AGBL1: variants seen among roughly 807,000 people sequenced by gnomAD.
AGBL1 encodes the protein AGBL carboxypeptidase 1, also known as cytosolic carboxypeptidase 4.
In AGBL1, 130 loss-of-function variants were observed where a neutral mutation model predicts 118.9. That is an observed-to-expected ratio of 1.09 (90% CI 0.95 to 1.26). The LOEUF (loss-of-function observed/expected upper bound fraction) is 1.26. Among genes scored for constraint, AGBL1 ranks in the 50% most tolerant of loss-of-function variants. The pLI is 0.00. For missense variants in AGBL1, 1,584 were observed against 1,298.1 expected (o/e 1.22, Z -3.38); for synonymous variants, 555 against 478.9 (o/e 1.16, Z -2.08).
At chr15:86,931,417 C>T (rs2080601519) in intron 23 of AGBL1, among the ~76,000 whole-genome samples, 1 of 152,158 alleles carries the variant, frequency 6.6e-6, no homozygotes, top group Non-Finnish European at 1.5e-5. Context: ...ACCCACCTTT[C>T]TCCTGCTGCA....
At chr15:87,024,055 A>C (rs149342988) in intron 24 of AGBL1, among the ~76,000 whole-genome samples, 4,367 of 152,152 alleles carry the variant, frequency 0.029, 86 homozygotes, top group Middle Eastern at 0.058. Flanking sequence ...CAGACAATCT[A>C]AGTTCACACC....
chr15:86,598,154 G>T (rs74026965), intron 21 of AGBL1, among the ~76,000 whole-genome samples: 1 of 152,084 alleles, frequency 6.6e-6, no homozygotes, highest in Non-Finnish European at 1.5e-5. Context: ...GATATTCACT[G>T]CTAGAGGATT....
intron 18 of AGBL1, among the ~76,000 whole-genome samples, chr15:86,423,019 C>A (rs943409487): frequency 6.6e-6 from 1 of 152,208 alleles, no homozygotes; most frequent in Admixed American, 6.5e-5. Context: ...CAAAGAGGAG[C>A]TGGTATCATT....
At chr15:86,542,676 G>A (rs1015687244) in intron 19 of AGBL1, among the ~76,000 whole-genome samples, 1 of 151,898 alleles carries the variant, frequency 6.6e-6, no homozygotes, top group East Asian at 1.9e-4. Flanking sequence ...GCGAGATGGG[G>A]TCTTTGATTT....
chr15:86,742,928 C>T lies in AGBL1; in HGVS notation c.3158+68492C>T, dbSNP rs528512224. 6.6e-5 allele frequency among the ~76,000 whole-genome samples: 10 copies of T among 152,200 alleles called. No homozygotes were observed. In the South Asian group the frequency reaches 1.7e-3, roughly 25 times the overall value. On this transcript the variant is annotated intron_variant, in intron 22 of 22. Coordinates refer to ENST00000614907, the MANE Select transcript of AGBL1 (RefSeq NM_001386094.1). ...AACTGAAAATCAACATACTTCAATGCTTGTTATATGGATAAATTCTGTGGA... is the reference window on the plus strand; with the variant it reads ...AACTGAAAATCAACATACTTCAATGTTTGTTATATGGATAAATTCTGTGGA...
intron 17 of AGBL1, among the ~76,000 whole-genome samples, chr15:86,323,930 C>T (rs1049013562): frequency 2.6e-5 from 4 of 152,120 alleles, no homozygotes; most frequent in Admixed American, 2.6e-4. Flanking sequence ...ATGTAATTTA[C>T]CAAGTATTAA....
chr15:87,013,195 C>A (rs1041676155), intron 24 of AGBL1, among the ~76,000 whole-genome samples: 1 of 152,142 alleles, frequency 6.6e-6, no homozygotes, highest in Non-Finnish European at 1.5e-5. Flanking sequence ...CTTACTTCAT[C>A]CTCATTTTAT....
At chr15:87,015,251 G>A (rs140021596) in intron 24 of AGBL1, among the ~76,000 whole-genome samples, 1 of 152,024 alleles carries the variant, frequency 6.6e-6, no homozygotes, top group Non-Finnish European at 1.5e-5. Context: ...CTTATTCTAA[G>A]CCCTGCTACT....
intron 21 of AGBL1, among the ~76,000 whole-genome samples, chr15:86,556,634 T>C (rs2083738397): frequency 6.6e-6 from 1 of 152,186 alleles, no homozygotes; most frequent in Admixed American, 6.5e-5. Context: ...AGGTACATAA[T>C]GCAGTCTATG....
chr15:86,569,746 C>G (rs2083974736), intron 21 of AGBL1, among the ~76,000 whole-genome samples: 1 of 152,116 alleles, frequency 6.6e-6, no homozygotes, highest in Non-Finnish European at 1.5e-5. Flanking sequence ...AATAAGGTTG[C>G]CAGCAGGGAT....
At chr15:86,830,555 A>C (rs1467771680) in intron 22 of AGBL1, among the ~76,000 whole-genome samples, 1 of 152,106 alleles carries the variant, frequency 6.6e-6, no homozygotes, top group Admixed American at 6.5e-5. Flanking sequence ...TCATGGTGGT[A>C]AAGATGAAGG....
rs190271173 is a variant in AGBL1 at position 86,709,365 on chromosome 15, G to A, written c.3158+34929G>A. 2.6e-5 allele frequency among the ~76,000 whole-genome samples: 4 copies of A among 152,174 alleles called. No homozygotes were observed. The East Asian group carries it at 5.8e-4, about 22-fold the overall frequency. On this transcript the variant is annotated intron_variant, in intron 22 of 22. Transcript: ENST00000614907. ...ATTTTTCAAAAAGCAGGTGGGGAAG[G>A]CAGGGGAACAAAAACTCTTTGAATG... is the stretch of plus-strand genomic sequence containing the variant.
intron 5 of AGBL1, among the ~76,000 whole-genome samples, chr15:86,218,540 C>T (rs2078226719): frequency 1.3e-5 from 2 of 152,188 alleles, no homozygotes; most frequent in South Asian, 4.1e-4. Context: ...TGTTTTTAAC[C>T]CACAGAATAT....
At chr15:87,005,059 A>G (rs537218309) in intron 24 of AGBL1, among the ~76,000 whole-genome samples, 4 of 152,302 alleles carry the variant, frequency 2.6e-5, no homozygotes, top group South Asian at 4.1e-4. Flanking sequence ...CAAGAGATCC[A>G]CTGTTAGTCT....
intron 1 of AGBL1, among the ~76,000 whole-genome samples, chr15:86,105,566 C>A (rs1597397732): frequency 6.6e-6 from 1 of 152,146 alleles, no homozygotes; most frequent in African/African-American, 2.4e-5. Flanking sequence ...TGACAACCAT[C>A]AGCTAAATGG....
rs923562361 is a variant in AGBL1 at position 86,915,232 on chromosome 15, T to G, written c.*7938T>G. On this transcript the variant is annotated 3_prime_UTR_variant, in exon 23 of 23. Transcript: ENST00000614907. The stretch of plus-strand genomic sequence containing the variant: ...TTTGGTTGTGCTTCCTTTCCAACCC[T>G]TTCATCCCTGTGCAGCCTGATAGTA... 2.6e-5 allele frequency: 4 copies of G among 152,212 alleles called. No individual in the cohort carries two copies. Among genetic ancestry groups the G allele is most frequent in the African/African-American group, 9.7e-5 (4 of 41,436 alleles). 9.4% of individuals were successfully genotyped at this position (152,212 alleles called of 1,614,324 possible). A position where few individuals can be genotyped will look rare whatever the true frequency, so the allele number is the denominator to read the frequency against.
At chr15:86,244,981 G>A (rs976516980) in intron 6 of AGBL1, among the ~76,000 whole-genome samples, 1 of 152,130 alleles carries the variant, frequency 6.6e-6, no homozygotes, top group Non-Finnish European at 1.5e-5. Flanking sequence ...ATTCATTAAA[G>A]GAGGTAATGA....
At chr15:86,715,990 C>A (rs535877719) in intron 22 of AGBL1, among the ~76,000 whole-genome samples, 2 of 150,300 alleles carry the variant, frequency 1.3e-5, no homozygotes, top group African/African-American at 4.9e-5. Flanking sequence ...CACTTGAACC[C>A]GGGAGGTGGA....
chr15:86,922,193 C>T (rs1203601900), intron 23 of AGBL1, among the ~76,000 whole-genome samples: 1 of 152,040 alleles, frequency 6.6e-6, no homozygotes, highest in Non-Finnish European at 1.5e-5. Context: ...TTTTGCAGTG[C>T]CTTAATATTA....
Sources: gnomAD v4.1 joint callset for allele counts (sites outside exome capture counted in the v4.1 genomes callset) on GRCh38, gnomAD v4.1.1 for gene constraint, MANE v1.5 for transcripts, NCBI Gene and HGNC (gene_info 2026-07-23, HGNC 2026-07-21) for gene names.